PLPPR1: variants seen among roughly 807,000 people sequenced by gnomAD.
The protein encoded by PLPPR1 is phospholipid phosphatase related 1, also known as phospholipid phosphatase-related protein type 1.
A neutral mutation model predicts 33.1 loss-of-function variants in PLPPR1; 10 were observed. That is an observed-to-expected ratio of 0.30 (90% CI 0.19 to 0.51). The LOEUF (loss-of-function observed/expected upper bound fraction) is 0.51. PLPPR1 is among the 20% of genes least tolerant of loss of function. The pLI, the probability that PLPPR1 is intolerant of heterozygous loss-of-function variation, is 0.97. For synonymous variants in PLPPR1, 151 were observed against 151.0 expected (o/e 1.00, Z 0.00); for missense variants, 304 against 408.1 (o/e 0.74, Z 2.20).
At chr9:101,193,506 C>A (rs1299109771) in intron 2 of PLPPR1, among the ~76,000 whole-genome samples, 1 of 152,068 alleles carries the variant, frequency 6.6e-6, no homozygotes, top group East Asian at 1.9e-4. Flanking sequence ...GGGATAAGGT[C>A]AGAATGAAAG....
intron 2 of PLPPR1, among the ~76,000 whole-genome samples, chr9:101,241,379 T>C (rs138497714): frequency 6.6e-6 from 1 of 152,180 alleles, no homozygotes; most frequent in East Asian, 1.9e-4. Flanking sequence ...AACAATTTCC[T>C]TGGGCCACAC....
intron 1 of PLPPR1, among the ~76,000 whole-genome samples, chr9:101,053,168 A>G (rs918791448): frequency 1.2e-4 from 18 of 152,118 alleles, no homozygotes; most frequent in African/African-American, 4.1e-4. Flanking sequence ...ACCTTCCCTC[A>G]CAAAAAATGC....
intron 2 of PLPPR1, among the ~76,000 whole-genome samples, chr9:101,231,719 A>C (rs1416461843): frequency 6.6e-6 from 1 of 152,114 alleles, no homozygotes; most frequent in Non-Finnish European, 1.5e-5. Context: ...TAAAACCCAT[A>C]TATTAGAGAA....
intron 2 of PLPPR1, among the ~76,000 whole-genome samples, chr9:101,225,156 G>A (rs1827037010): frequency 1.3e-5 from 2 of 152,144 alleles, no homozygotes; most frequent in South Asian, 4.1e-4. Context: ...GACTTACCAT[G>A]TTAGCATGTT....
At chr9:101,303,750 TTA>T (rs1194766139) in intron 4 of PLPPR1, among the ~76,000 whole-genome samples, 1 of 152,234 alleles carries the variant, frequency 6.6e-6, no homozygotes, top group African/African-American at 2.4e-5. Flanking sequence ...TAAATTGTTT[TTA>T]TGTCTTTTTC....
chr9:101,304,017 T>C (rs536243346), intron 4 of PLPPR1, among the ~76,000 whole-genome samples: 1 of 152,224 alleles, frequency 6.6e-6, no homozygotes, highest in Non-Finnish European at 1.5e-5. Flanking sequence ...ATGACATAGA[T>C]CTCCATACTC....
At chr9:101,277,026 C>T (rs1162479564) in intron 3 of PLPPR1, among the ~76,000 whole-genome samples, 1 of 152,182 alleles carries the variant, frequency 6.6e-6, no homozygotes, top group Non-Finnish European at 1.5e-5. Context: ...TGTGACAGCA[C>T]TCATCAGGAA....
In PLPPR1 at chr9:101,028,879, G is replaced by C. The variant is rs1441596722; in HGVS notation, c.-269G>C. 6.6e-6 allele frequency: 1 copy of C among 152,304 alleles called. No homozygotes were observed. The highest frequency in any genetic ancestry group is 1.5e-5 in the Non-Finnish European group (1 of 68,146). 9.4% of individuals were successfully genotyped at this position (152,304 alleles called of 1,614,324 possible). ...GATCCCGCGCACCTCCGCCCCACGG[G>C]CGCGCGCACAAACACGGACACACAC... On this transcript the variant is annotated 5_prime_UTR_variant, in exon 1 of 8. Transcript: ENST00000374874.
chr9:101,207,298 A>T (rs1826606775), intron 2 of PLPPR1, among the ~76,000 whole-genome samples: 1 of 152,206 alleles, frequency 6.6e-6, no homozygotes. Flanking sequence ...ACAGGAAAGG[A>T]ACTAGAAGCA....
At chr9:101,078,031 C>A (rs952328837) in intron 1 of PLPPR1, among the ~76,000 whole-genome samples, 17 of 145,028 alleles carry the variant, frequency 1.2e-4, no homozygotes, top group African/African-American at 4.2e-4. Flanking sequence ...CCTGGAGGAG[C>A]TAGGAGAAAG....
At chr9:101,279,868 A>G (rs1467498544) in intron 3 of PLPPR1, among the ~76,000 whole-genome samples, 1 of 152,174 alleles carries the variant, frequency 6.6e-6, no homozygotes, top group African/African-American at 2.4e-5. Flanking sequence ...GTAGAAAAAC[A>G]TCAAACAAAC....
intron 1 of PLPPR1, among the ~76,000 whole-genome samples, chr9:101,077,130 C>T (rs1313382367): frequency 6.6e-6 from 1 of 152,124 alleles, no homozygotes; most frequent in Non-Finnish European, 1.5e-5. Flanking sequence ...CCATTGATGC[C>T]AAAGTTAGAC....
chr9:101,231,359 T>C (rs575942118), intron 2 of PLPPR1, among the ~76,000 whole-genome samples: 1 of 105,228 alleles, frequency 9.5e-6, no homozygotes, highest in East Asian at 2.4e-4. Context: ...AATGAGATCG[T>C]TTGTTTTTTT....
At chr9:101,120,453 T>A (rs1831165168) in intron 1 of PLPPR1, among the ~76,000 whole-genome samples, 1 of 152,238 alleles carries the variant, frequency 6.6e-6, no homozygotes, top group African/African-American at 2.4e-5. Flanking sequence ...TAAGGAAGCA[T>A]CATAAATATC....
intron 2 of PLPPR1, among the ~76,000 whole-genome samples, chr9:101,233,373 T>A (rs948550099): frequency 1.1e-4 from 16 of 151,944 alleles, no homozygotes; most frequent in African/African-American, 3.9e-4. Context: ...TGAATCACAA[T>A]CTTAAAATGA....
At chr9:101,308,379 G>T (rs563170560) in intron 4 of PLPPR1, among the ~76,000 whole-genome samples, 1 of 152,302 alleles carries the variant, frequency 6.6e-6, no homozygotes, top group East Asian at 1.9e-4. Context: ...GAAAGATGTG[G>T]ATTATACCCT....
chr9:101,293,216 A>G (rs1478532448), intron 4 of PLPPR1, among the ~76,000 whole-genome samples: 1 of 148,330 alleles, frequency 6.7e-6, no homozygotes, highest in Non-Finnish European at 1.5e-5. Flanking sequence ...AGGCCATTAC[A>G]TAATGGTAAA....
chr9:101,063,029 T>C (rs1172694648), intron 1 of PLPPR1, among the ~76,000 whole-genome samples: 1 of 152,040 alleles, frequency 6.6e-6, no homozygotes, highest in Non-Finnish European at 1.5e-5. Context: ...GTTTTTCATA[T>C]ATCACAAGGG....
chr9:101,249,647 C>A (rs1460182780), intron 2 of PLPPR1, among the ~76,000 whole-genome samples: 2 of 152,036 alleles, frequency 1.3e-5, no homozygotes, highest in Non-Finnish European at 2.9e-5. Flanking sequence ...GTGCTTAGAT[C>A]CTCCACATTT....
Sources: allele counts gnomAD v4.1 joint callset (sites outside exome capture counted in the v4.1 genomes callset), GRCh38; gene constraint gnomAD v4.1.1; transcripts MANE v1.5; gene names NCBI Gene and HGNC (gene_info 2026-07-23, HGNC 2026-07-21).